The following DPF3 variants were observed in gnomAD, a reference collection of about 807,000 sequenced individuals.
DPF3 encodes zinc finger protein DPF3.
In DPF3, 18 loss-of-function variants were observed where a neutral mutation model predicts 56.8. The ratio of observed to expected loss-of-function variants is 0.32; its 90% CI spans 0.22 to 0.47. The LOEUF (loss-of-function observed/expected upper bound fraction) is 0.47, where lower values mean the gene tolerates loss of function less well. Ranked by LOEUF, DPF3 falls within the 20% of genes least tolerant of loss-of-function variation. The pLI, the probability that DPF3 is intolerant of heterozygous loss-of-function variation, is 1.00. For synonymous variants in DPF3, 188 were observed against 180.2 expected (o/e 1.04, Z -0.35); for missense variants, 403 against 488.8 (o/e 0.82, Z 1.65).
At chr14:72,752,126 G>C (rs567132544) in intron 3 of DPF3, among the ~76,000 whole-genome samples, 1 of 152,356 alleles carries the variant, frequency 6.6e-6, no homozygotes, top group South Asian at 2.1e-4. Context: ...CAAGGAAGGA[G>C]TGAGGTACCT....
At chr14:72,625,671 T>G (rs527572430) in intron 9 of DPF3, among the ~76,000 whole-genome samples, 1 of 152,344 alleles carries the variant, frequency 6.6e-6, no homozygotes, top group Admixed American at 6.5e-5. Context: ...TAGGTACACA[T>G]GCATACATCT....
At chr14:72,682,790 A>G (rs1269956522) in intron 7 of DPF3, among the ~76,000 whole-genome samples, 1 of 152,210 alleles carries the variant, frequency 6.6e-6, no homozygotes, top group Non-Finnish European at 1.5e-5. Context: ...GCACTCCAAA[A>G]GCAGGCCGGG....
At chr14:72,816,551 C>T (rs1883294509) in intron 1 of DPF3, among the ~76,000 whole-genome samples, 1 of 152,048 alleles carries the variant, frequency 6.6e-6, no homozygotes, top group Non-Finnish European at 1.5e-5. Flanking sequence ...AGGCAAACCC[C>T]CCACCTAGCT....
chr14:72,859,429 A>G (rs1885295341), intron 1 of DPF3, among the ~76,000 whole-genome samples: 2 of 148,638 alleles, frequency 1.3e-5, no homozygotes, highest in Admixed American at 6.7e-5. Context: ...TTCTTTGACT[A>G]TCTATCACAG....
intron 1 of DPF3, among the ~76,000 whole-genome samples, chr14:72,819,913 G>C (rs1883457607): frequency 6.6e-6 from 1 of 152,162 alleles, no homozygotes; most frequent in African/African-American, 2.4e-5. Flanking sequence ...ACTCCAACCT[G>C]GGCGACAAAG....
At chr14:72,627,667 T>C (rs1303655660) in intron 9 of DPF3, among the ~76,000 whole-genome samples, 1 of 152,108 alleles carries the variant, frequency 6.6e-6, no homozygotes, top group East Asian at 1.9e-4. Flanking sequence ...TAAGTATCGA[T>C]TTGTCTAACT....
At chr14:72,770,432 A>G (rs1472231241) in intron 2 of DPF3, among the ~76,000 whole-genome samples, 3 of 152,232 alleles carry the variant, frequency 2.0e-5, no homozygotes, top group Non-Finnish European at 2.9e-5. Context: ...CTACAGGGGG[A>G]AAAATGAATG....
chr14:72,886,283 A>T (rs542590490), intron 1 of DPF3, among the ~76,000 whole-genome samples: 1 of 152,226 alleles, frequency 6.6e-6, no homozygotes, highest in African/African-American at 2.4e-5. Context: ...GAGACAAGAG[A>T]ATCACTTGAA....
rs913944873 is a variant in DPF3 at position 72,892,719 on chromosome 14, C to A, written c.32+1338G>T. The A allele has an allele frequency of 2.7e-5, 27 of 1,004,576 alleles. No homozygotes were observed. In the Admixed American group the frequency reaches 1.4e-3, roughly 51 times the overall value. 62.2% of individuals were successfully genotyped at this position (1,004,576 alleles called of 1,614,324 possible). A position where few individuals can be genotyped will look rare whatever the true frequency, so the allele number is the denominator to read the frequency against. The stretch of plus-strand genomic sequence containing the variant: ...GGAGAATTCGGCATGAACCGCCCCC[C>A]ACCCGACCTGCACCTCCCTCTGCCA... On this transcript the variant is annotated intron_variant, in intron 1 of 10. Coordinates refer to ENST00000556509, the MANE Select transcript of DPF3 (RefSeq NM_001280542.3).
intron 8 of DPF3, among the ~76,000 whole-genome samples, chr14:72,640,551 G>A (rs1045261133): frequency 6.6e-6 from 1 of 152,192 alleles, no homozygotes; most frequent in African/African-American, 2.4e-5. Flanking sequence ...AATAATTGTG[G>A]GGATGAAAGG....
chr14:72,883,010 A>G (rs1012367103), intron 1 of DPF3, among the ~76,000 whole-genome samples: 8 of 152,218 alleles, frequency 5.3e-5, no homozygotes, highest in Admixed American at 5.2e-4. Context: ...AGGGGCAGGC[A>G]GGCAATCCAT....
At chr14:72,657,379 T>A (rs1478077625) in intron 8 of DPF3, among the ~76,000 whole-genome samples, 1 of 152,212 alleles carries the variant, frequency 6.6e-6, no homozygotes, top group East Asian at 1.9e-4. Flanking sequence ...TGTTATGCAT[T>A]GCTGGATTAT....
At chr14:72,842,978 A>G (rs961953651) in intron 1 of DPF3, among the ~76,000 whole-genome samples, 1 of 152,036 alleles carries the variant, frequency 6.6e-6, no homozygotes, top group Non-Finnish European at 1.5e-5. Context: ...AGCCGAGATC[A>G]TACCACTGCA....
At chr14:72,703,676 G>T (rs898205902) in intron 6 of DPF3, among the ~76,000 whole-genome samples, 1 of 152,108 alleles carries the variant, frequency 6.6e-6, no homozygotes, top group Admixed American at 6.5e-5. Context: ...TCTCAGCCTC[G>T]GTTTCCTCGT....
intron 7 of DPF3, among the ~76,000 whole-genome samples, chr14:72,682,741 G>A (rs925970125): frequency 6.6e-6 from 1 of 152,196 alleles, no homozygotes; most frequent in African/African-American, 2.4e-5. Context: ...ACAGAGTCTT[G>A]GGGCAGCACA....
intron 1 of DPF3, chr14:72,892,149 G>A (rs748506203): frequency 1.9e-5 from 29 of 1,534,098 alleles, no homozygotes; most frequent in Non-Finnish European, 2.4e-5. Flanking sequence ...AAACAAACCT[G>A]GTGCACATGT....
chr14:72,755,771 G>C (rs1000046776), intron 2 of DPF3, among the ~76,000 whole-genome samples: 1 of 152,072 alleles, frequency 6.6e-6, no homozygotes, highest in Non-Finnish European at 1.5e-5. Context: ...TGTCTGCTTT[G>C]AATCCACCTC....
intron 1 of DPF3, among the ~76,000 whole-genome samples, chr14:72,855,781 C>T (rs1885149576): frequency 2.6e-5 from 4 of 152,182 alleles, no homozygotes; most frequent in Admixed American, 1.3e-4. Flanking sequence ...GCAACGCTTC[C>T]AAACCTAGCT....
rs535546500 is a variant in DPF3 at position 72,619,226 on chromosome 14, G to A, written c.*71C>T. The A allele has an allele frequency of 3.4e-5, 49 of 1,441,564 alleles. No individual in the cohort carries two copies. The highest frequency in any genetic ancestry group is 3.0e-4 in the East Asian group (12 of 40,198). 89.3% of individuals were successfully genotyped at this position (1,441,564 alleles called of 1,614,324 possible). A position where few individuals can be genotyped will look rare whatever the true frequency, so the allele number is the denominator to read the frequency against. On this transcript the variant is annotated 3_prime_UTR_variant, in exon 11 of 11. Transcript: ENST00000556509. ...GTCTGGCTGGATATGTGGGAGGAGG[G>A]CGCGTTCTGGTTTGAACTGGGCTCT...
Sources: gnomAD v4.1 joint callset for allele counts (sites outside exome capture counted in the v4.1 genomes callset) on GRCh38, gnomAD v4.1.1 for gene constraint, MANE v1.5 for transcripts, NCBI Gene and HGNC (gene_info 2026-07-23, HGNC 2026-07-21) for gene names.